DAB1: variants seen among roughly 807,000 people sequenced by gnomAD.
DAB1 encodes the protein disabled homolog 1.
In DAB1, 15 loss-of-function variants were observed where a neutral mutation model predicts 64.6. The ratio of observed to expected loss-of-function variants is 0.23; its 90% confidence interval spans 0.16 to 0.36. The LOEUF (loss-of-function observed/expected upper bound fraction) is 0.36. Ranked by LOEUF, DAB1 falls within the 10% of genes least tolerant of loss-of-function variation. DAB1 has a pLI of 1.00. For missense variants in DAB1, 596 were observed against 706.7 expected (o/e 0.84, Z 1.78); for synonymous variants, 235 against 251.9 (o/e 0.93, Z 0.64).
At chr1:57,470,282 G>T (rs988777553) in intron 7 of DAB1, among the ~76,000 whole-genome samples, 1 of 152,112 alleles carries the variant, frequency 6.6e-6, no homozygotes, top group Non-Finnish European at 1.5e-5. Flanking sequence ...AATATCTCAG[G>T]AATGTTTTGC....
intron 6 of DAB1, among the ~76,000 whole-genome samples, chr1:57,682,943 T>G (rs1372268225): frequency 6.6e-6 from 1 of 152,148 alleles, no homozygotes; most frequent in East Asian, 1.9e-4. Context: ...CCTGCAGGAA[T>G]GAGTACACAG....
chr1:57,061,231 G>GA (rs1553135629), intron 9 of DAB1, among the ~76,000 whole-genome samples: 3 of 90,604 alleles, frequency 3.3e-5, no homozygotes, highest in African/African-American at 1.2e-4. Flanking sequence ...ATTTAGATGG[G>GA]GGGGGGGGGT....
At chr1:57,612,231 G>GT (rs2101603574) in intron 7 of DAB1, among the ~76,000 whole-genome samples, 1 of 138,814 alleles carries the variant, frequency 7.2e-6, no homozygotes, top group East Asian at 2.1e-4. Flanking sequence ...ATGTGTGTGC[G>GT]TGTGTGTGTG....
chr1:57,926,537 C>T (rs767491163), intron 5 of DAB1, among the ~76,000 whole-genome samples: 1 of 152,196 alleles, frequency 6.6e-6, no homozygotes, highest in African/African-American at 2.4e-5. Flanking sequence ...AACTCTGTGA[C>T]ATTAGGCAAA....
At chr1:57,798,329 C>T (rs919118542) in intron 6 of DAB1, among the ~76,000 whole-genome samples, 2 of 152,196 alleles carry the variant, frequency 1.3e-5, no homozygotes, top group African/African-American at 2.4e-5. Context: ...AATGAAGGTA[C>T]GTAAGTTCTG....
At chr1:57,926,955 T>C (rs1226447290) in intron 5 of DAB1, among the ~76,000 whole-genome samples, 1 of 152,172 alleles carries the variant, frequency 6.6e-6, no homozygotes, top group Non-Finnish European at 1.5e-5. Flanking sequence ...ATAAGACATC[T>C]CCCTTCCTAG....
At position 58,260,801 on chromosome 1, in the gene DAB1, G is replaced by A. The variant is rs564835790; in HGVS notation, n.309+82551C>T. ...AGGCATCATCTTCTTTAAGATTTCC[G>A]TGGGACTCAACCTCTGCCATGCTCT... On this transcript the variant is annotated intron_variant and non_coding_transcript_variant, in intron 4 of 20. Coordinates refer to the DAB1 transcript ENST00000485760. Among the ~76,000 whole-genome samples the A allele has an allele frequency of 1.4e-4, 22 of 152,036 alleles. No homozygotes were observed. The South Asian group carries it at 2.5e-3, about 17-fold the overall frequency.
intron 5 of DAB1, among the ~76,000 whole-genome samples, chr1:58,093,427 C>T (rs1328717056): frequency 1.3e-5 from 2 of 152,040 alleles, no homozygotes; most frequent in Non-Finnish European, 2.9e-5. Flanking sequence ...TGAGCCTTAC[C>T]GCCTGATCTG....
chr1:57,137,145 AT>A (rs773800886), intron 3 of DAB1, among the ~76,000 whole-genome samples: 2 of 152,216 alleles, frequency 1.3e-5, no homozygotes, highest in East Asian at 1.9e-4. Context: ...CTGGAAAAAA[AT>A]GTGATCAATA....
At chr1:57,819,646 T>A (rs1456700497) in intron 6 of DAB1, among the ~76,000 whole-genome samples, 2 of 152,230 alleles carry the variant, frequency 1.3e-5, no homozygotes, top group Non-Finnish European at 2.9e-5. Flanking sequence ...TCTGAAATTC[T>A]AAGATAAAGA....
At chr1:57,986,572 C>T (rs1646224434) in intron 5 of DAB1, among the ~76,000 whole-genome samples, 1 of 152,188 alleles carries the variant, frequency 6.6e-6, no homozygotes, top group Non-Finnish European at 1.5e-5. Flanking sequence ...GTCTTCTCTG[C>T]AGTCTCCCTT....
chr1:58,140,085 C>T (rs1397658269), intron 5 of DAB1, among the ~76,000 whole-genome samples: 4 of 152,174 alleles, frequency 2.6e-5, no homozygotes, highest in Non-Finnish European at 5.9e-5. Flanking sequence ...TACCCTTTAT[C>T]GCAAATCCAC....
chr1:57,392,179 C>T (rs1682433747), intron 1 of DAB1, among the ~76,000 whole-genome samples: 2 of 152,136 alleles, frequency 1.3e-5, no homozygotes, highest in Admixed American at 1.3e-4. Flanking sequence ...CGAGACCAGC[C>T]ATGGCCAATA....
chr1:58,352,385 TA>T (rs2100516470), intron 3 of DAB1, among the ~76,000 whole-genome samples: 1 of 152,268 alleles, frequency 6.6e-6, no homozygotes, highest in African/African-American at 2.4e-5. Context: ...TTGAATATTT[TA>T]AAACGCTGAT....
At chr1:58,474,719 A>G (rs1017349440) in intron 3 of DAB1, among the ~76,000 whole-genome samples, 2 of 152,194 alleles carry the variant, frequency 1.3e-5, no homozygotes, top group African/African-American at 4.8e-5. Context: ...CAAAGCAAAG[A>G]TCCCAAATAA....
chr1:57,766,278 A>C (rs1397563785), intron 6 of DAB1, among the ~76,000 whole-genome samples: 2 of 151,708 alleles, frequency 1.3e-5, no homozygotes, highest in Non-Finnish European at 2.9e-5. Context: ...AAAAAAAAAA[A>C]AAACCCAAAA....
At chr1:57,327,105 A>AT (rs898907590) in intron 1 of DAB1, among the ~76,000 whole-genome samples, 2 of 151,750 alleles carry the variant, frequency 1.3e-5, no homozygotes, top group African/African-American at 2.4e-5. Flanking sequence ...CACTTGGCTA[A>AT]TTTTTTTTAT....
intron 5 of DAB1, among the ~76,000 whole-genome samples, chr1:57,906,658 A>G (rs1387585124): frequency 6.6e-6 from 1 of 152,158 alleles, no homozygotes; most frequent in Non-Finnish European, 1.5e-5. Flanking sequence ...CCATTATTAC[A>G]GTAATTATAT....
intron 6 of DAB1, among the ~76,000 whole-genome samples, chr1:57,675,589 C>T (rs775124788): frequency 6.6e-5 from 10 of 152,056 alleles, no homozygotes; most frequent in African/African-American, 1.2e-4. Flanking sequence ...TGAGCAGAAG[C>T]GAAATGAAGC....
Sources: gnomAD v4.1 joint callset for allele counts (sites outside exome capture counted in the v4.1 genomes callset) on GRCh38, gnomAD v4.1.1 for gene constraint, MANE v1.5 for transcripts, NCBI Gene and HGNC (gene_info 2026-07-23, HGNC 2026-07-21) for gene names.